The following DST variants were observed in gnomAD, a reference collection of about 807,000 sequenced individuals.
DST encodes the protein dystonin, also known as bullous pemphigoid antigen.
DST carries 253 observed loss-of-function variants against 875.2 expected under a neutral mutation model. The observed-to-expected ratio is 0.29, with a 90% CI of 0.26 to 0.32. DST has a LOEUF of 0.32. Ranked by LOEUF, DST falls within the 10% of genes least tolerant of loss-of-function variation. DST has a pLI of 1.00. For synonymous variants in DST, 3,124 were observed against 3,197.1 expected, an observed-to-expected ratio of 0.98 and a Z score of 0.77; for missense variants, 8,287 against 9,111.6, an observed-to-expected ratio of 0.91 and a Z score of 3.68.
chr6:56,952,768 G>C (rs1032638857), intron 2 of DST, among the ~76,000 whole-genome samples: 4 of 152,066 alleles, frequency 2.6e-5, no homozygotes, highest in Admixed American at 2.6e-4. Flanking sequence ...CACACAGCTA[G>C]TTAATGTAAA....
rs74607818 is a variant in DST, at chr6:56,510,721, T to C, written c.18780+476A>G. Reference sequence around the variant, plus strand: ...ACCAAATCTTGAAAATGGAAAATCTTTGGGTATTTCAAAATTCAACTTCTT... The same window carrying C: ...ACCAAATCTTGAAAATGGAAAATCTCTGGGTATTTCAAAATTCAACTTCTT... On this transcript the variant is annotated intron_variant, in intron 73 of 103. Transcript: ENST00000680361. 1.5e-3 allele frequency among the ~76,000 whole-genome samples: 228 copies of C among 152,260 alleles called. 9 individuals are homozygous for C. The East Asian group carries it at 0.041, about 27-fold the overall frequency.
intron 32 of DST, among the ~76,000 whole-genome samples, chr6:56,628,755 C>T (rs893770964): frequency 4.6e-5 from 7 of 152,096 alleles, no homozygotes; most frequent in Admixed American, 6.6e-5. Flanking sequence ...AGAAAGGACA[C>T]GAATTCATTT....
At chr6:56,768,036 A>G (rs2152973527) in intron 4 of DST, among the ~76,000 whole-genome samples, 1 of 152,338 alleles carries the variant, frequency 6.6e-6, no homozygotes, top group Non-Finnish European at 1.5e-5. Context: ...CCACAGGACC[A>G]TATAAGCCAT....
intron 57 of DST, among the ~76,000 whole-genome samples, chr6:56,560,913 T>C (rs1259310224): frequency 1.3e-5 from 2 of 152,108 alleles, no homozygotes; most frequent in South Asian, 2.1e-4. Flanking sequence ...TTGGCAGCTG[T>C]AGAAAGAAAT....
chr6:56,485,515 T>G (rs1400535220), intron 87 of DST, 44 bp from the exon 88 acceptor site: 21 of 1,576,740 alleles, frequency 1.3e-5, no homozygotes, highest in Non-Finnish European at 1.7e-5. Flanking sequence ...ACAAAAAACG[T>G]CACTCATATA....
At chr6:56,552,035 G>T in intron 61 of DST, 149 bp downstream of exon 61, 1 of 857,514 alleles carries the variant, frequency 1.2e-6, no homozygotes, top group Non-Finnish European at 1.7e-6. Flanking sequence ...CACCTGCCTG[G>T]GTGTTACCCC....
At chr6:56,671,022 A>G (rs887972599) in intron 9 of DST, among the ~76,000 whole-genome samples, 1 of 152,220 alleles carries the variant, frequency 6.6e-6, no homozygotes, top group Non-Finnish European at 1.5e-5. Context: ...TAGCTATTCT[A>G]TATAATTATT....
intron 3 of DST, among the ~76,000 whole-genome samples, chr6:56,859,948 C>G (rs1283592139): frequency 6.6e-6 from 1 of 152,164 alleles, no homozygotes; most frequent in Non-Finnish European, 1.5e-5. Context: ...TTCCCCAGCT[C>G]CCTCACTTCA....
chr6:56,765,007 G>A (rs867094563), intron 4 of DST, among the ~76,000 whole-genome samples: 2 of 139,008 alleles, frequency 1.4e-5, no homozygotes, highest in Non-Finnish European at 3.0e-5. Context: ...GGAAGGGAGG[G>A]AGGGTAAGAA....
chr6:56,590,336 CT>C (rs1335056511), intron 49 of DST, among the ~76,000 whole-genome samples: 1 of 152,088 alleles, frequency 6.6e-6, no homozygotes, highest in Non-Finnish European at 1.5e-5. Context: ...ATAAAAATTA[CT>C]TTTATATGCA....
chr6:56,814,387 G>T (rs1172327115), intron 4 of DST, among the ~76,000 whole-genome samples: 2 of 152,108 alleles, frequency 1.3e-5, no homozygotes, highest in Admixed American at 1.3e-4. Context: ...CAAATGGAAG[G>T]ACTGAGAGAA....
At chr6:56,509,930 A>G in intron 73 of DST, 57 bp from the exon 74 acceptor site, 1 of 1,320,544 alleles carries the variant, frequency 7.6e-7, no homozygotes, top group Admixed American at 2.4e-5. Context: ...ACCAAGTGTG[A>G]AATTTAAATG....
Position 56,553,453 on chromosome 6 carries a change from C to T in DST, c.15339G>A (p.Met5113Ile). 2.5e-6 allele frequency: 4 copies of T among 1,608,300 alleles called. No homozygotes were observed. Among genetic ancestry groups the T allele is most frequent in the Non-Finnish European group, 3.4e-6 (4 of 1,178,200 alleles). ...FSKTLTAQSH[M>I]YEKTIAEGEN... ...CACCTTCTGCAATGGTTTTTTCATA[C>T]ATATGAGACTGAGCGGTCAAAGTTT... The change falls in exon 61 of 104, where the codon ATG (methionine) becomes ATA (isoleucine). Residue 5113 changes from methionine to isoleucine, a missense_variant. This residue lies in a region of DST where 1,513 missense variants were observed against 1,677.8 expected (regional missense o/e 0.90). Coordinates refer to ENST00000680361, the MANE Select transcript of DST (RefSeq NM_001374736.1).
chr6:56,682,520 T>A (rs1412973667), intron 9 of DST, among the ~76,000 whole-genome samples: 2 of 152,190 alleles, frequency 1.3e-5, no homozygotes, highest in East Asian at 3.8e-4. Context: ...CTTTACCCCA[T>A]GTTTTCCCTT....
intron 5 of DST, among the ~76,000 whole-genome samples, chr6:56,715,894 C>T (rs1234321978): frequency 6.6e-6 from 1 of 152,186 alleles, no homozygotes; most frequent in Non-Finnish European, 1.5e-5. Context: ...CCTATACGCC[C>T]CCCTTCCCTC....
chr6:56,601,625 A>G lies in DST; in HGVS notation c.11359T>C (p.Phe3787Leu). 1 of 1,596,942 alleles carries G rather than the reference A, an allele frequency of 6.3e-7. No homozygotes were observed. Among genetic ancestry groups the G allele is most frequent in the Non-Finnish European group, 8.5e-7 (1 of 1,171,124 alleles). The change falls in exon 44 of 104, where the codon TTT (phenylalanine) becomes CTT (leucine). Residue 3787 changes from phenylalanine to leucine, a missense_variant. Physicochemically the swap from Phe to Leu is conservative, Grantham distance 22 (BLOSUM62 0). Transcript: ENST00000680361. ...TCAGAAATGAAGAACTGCACATCAA[A>G]GGCAGTAGTCTCCAGCTGCATTTTG... ...HTKMQLETTA[F>L]DVQFFISEYA...
intron 9 of DST, among the ~76,000 whole-genome samples, chr6:56,686,904 A>C (rs2099190983): frequency 6.6e-6 from 1 of 152,232 alleles, no homozygotes; most frequent in Admixed American, 6.5e-5. Context: ...GACCTCGTTT[A>C]ATCCTCAAAA....
At chr6:56,651,350 C>T in intron 10 of DST, 106 bp from the exon 11 acceptor site, 1 of 603,048 alleles carries the variant, frequency 1.7e-6, no homozygotes, top group South Asian at 3.4e-5. Flanking sequence ...AATATTAACA[C>T]CAAGCCTGCG....
chr6:56,738,355 CT>C (rs1169848918), intron 4 of DST, among the ~76,000 whole-genome samples: 2 of 152,158 alleles, frequency 1.3e-5, no homozygotes, highest in Non-Finnish European at 2.9e-5. Context: ...AAATCTTGCT[CT>C]GCTGTCCAGG....
Sources: allele counts gnomAD v4.1 joint callset (sites outside exome capture counted in the v4.1 genomes callset), GRCh38; gene constraint gnomAD v4.1.1; regional missense constraint gnomAD v4.1.1; transcripts MANE v1.5; gene names NCBI Gene and HGNC (gene_info 2026-07-23, HGNC 2026-07-21).